The following SVOPL variants were observed in gnomAD, a reference collection of about 807,000 sequenced individuals.
SVOPL encodes putative transporter SVOPL.
In SVOPL, 60 loss-of-function variants were observed where a neutral mutation model predicts 61.0. The observed-to-expected ratio is 0.98, with a 90% CI of 0.80 to 1.22. SVOPL has a LOEUF of 1.22. Among genes scored for constraint, SVOPL ranks in the 50% most tolerant of loss-of-function variants. SVOPL has a pLI of 0.00. For synonymous variants in SVOPL, 279 were observed against 250.0 expected (o/e 1.12, Z -1.09); for missense variants, 662 against 643.9 (o/e 1.03, Z -0.30).
intron 1 of SVOPL, among the ~76,000 whole-genome samples, chr7:138,690,905 T>A (rs987190160): frequency 2.6e-5 from 4 of 152,152 alleles, no homozygotes; most frequent in Non-Finnish European, 5.9e-5. Flanking sequence ...CCCAAGTAGC[T>A]GGGACTACAG....
chr7:138,602,863 T>C (rs2116763906), intron 14 of SVOPL, among the ~76,000 whole-genome samples: 1 of 152,230 alleles, frequency 6.6e-6, no homozygotes, highest in Admixed American at 6.5e-5. Flanking sequence ...TTGGTGTGTG[T>C]TCGTGTCATC....
At chr7:138,644,304 A>C (rs1051994432) in intron 9 of SVOPL, among the ~76,000 whole-genome samples, 1 of 151,988 alleles carries the variant, frequency 6.6e-6, no homozygotes, top group Non-Finnish European at 1.5e-5. Context: ...TCTAGAGCCA[A>C]TTTCACCAAA....
intron 14 of SVOPL, among the ~76,000 whole-genome samples, chr7:138,610,082 A>G (rs1284492287): frequency 6.6e-6 from 1 of 152,244 alleles, no homozygotes; most frequent in African/African-American, 2.4e-5. Flanking sequence ...GAGATGTTCA[A>G]TAATACAGAA....
intron 9 of SVOPL, among the ~76,000 whole-genome samples, chr7:138,633,996 T>C (rs1378590098): frequency 2.0e-5 from 3 of 152,174 alleles, no homozygotes; most frequent in African/African-American, 7.2e-5. Context: ...TGGGTAGCAC[T>C]GCTGGTATGG....
intron 1 of SVOPL, among the ~76,000 whole-genome samples, chr7:138,695,278 G>A (rs1390449407): frequency 6.6e-6 from 1 of 152,104 alleles, no homozygotes; most frequent in Admixed American, 6.6e-5. Context: ...TTGGAAAGCC[G>A]AGGTGGGCGG....
At position 138,594,530 on chromosome 7, in the gene SVOPL, A is replaced by AC; in HGVS notation, c.*79dup. On this transcript the variant is annotated 3_prime_UTR_variant, in exon 16 of 16. Coordinates refer to ENST00000674285, the MANE Select transcript of SVOPL (RefSeq NM_001139456.2). ...TTACCGAGTAGCATACAGAAGTAAAACCAAGTTTTAAAAAAATGCACCGCA... is the reference window on the plus strand; with the variant it reads ...TTACCGAGTAGCATACAGAAGTAAAACCCAAGTTTTAAAAAAATGCACCGCA... 7.0e-7 allele frequency: 1 copy of AC among 1,428,620 alleles called. No individual in the cohort carries two copies. The highest frequency in any genetic ancestry group is 1.3e-5 in the South Asian group (1 of 78,142). 88.5% of individuals were successfully genotyped at this position (1,428,620 alleles called of 1,614,324 possible).
At chr7:138,676,805 C>T (rs1159288903) in intron 3 of SVOPL, among the ~76,000 whole-genome samples, 1 of 151,846 alleles carries the variant, frequency 6.6e-6, no homozygotes, top group Non-Finnish European at 1.5e-5. Context: ...ATTGAATTCC[C>T]AAAACATAGA....
chr7:138,638,212 T>C (rs575706840), intron 9 of SVOPL, among the ~76,000 whole-genome samples: 2 of 146,726 alleles, frequency 1.4e-5, no homozygotes, highest in South Asian at 4.2e-4. Context: ...AGGGGAGGTT[T>C]CAGTGTGCCG....
At chr7:138,617,912 C>T (rs1353995804) in intron 14 of SVOPL, among the ~76,000 whole-genome samples, 1 of 152,150 alleles carries the variant, frequency 6.6e-6, no homozygotes, top group African/African-American at 2.4e-5. Context: ...ATCCAAGGAT[C>T]TGTGATCAAG....
chr7:138,682,968 C>CAAAAAAAAAAAAAA (rs762982090), intron 1 of SVOPL, among the ~76,000 whole-genome samples: 3 of 95,414 alleles, frequency 3.1e-5, no homozygotes, highest in African/African-American at 7.4e-5. Flanking sequence ...AACTCCATCT[C>CAAAAAAAAAAAAAA]AAAAAAAAAA....
chr7:138,612,508 ATT>A (rs71178002), intron 14 of SVOPL, among the ~76,000 whole-genome samples: 4,189 of 70,062 alleles, frequency 0.06, 136 homozygotes, highest in African/African-American at 0.098. Flanking sequence ...GCCAGACTTA[ATT>A]TTTTTTTTTT....
In SVOPL at chr7:138,626,157, C is replaced by T. The variant is rs1799885005; in HGVS notation, c.1182-107G>A. 3.6e-6 allele frequency: 4 copies of T among 1,100,426 alleles called. No homozygotes were observed. In the East Asian group the frequency reaches 1.0e-4, roughly 28 times the overall value. 68.2% of individuals were successfully genotyped at this position (1,100,426 alleles called of 1,614,324 possible). ...GATGCTGAGATACAATCACAGATAA[C>T]TCAGAACCCGAGGGAGGTGCTGCTT... On this transcript the variant is annotated intron_variant, in intron 12 of 15. Coordinates refer to ENST00000674285, the MANE Select transcript of SVOPL (RefSeq NM_001139456.2).
intron 1 of SVOPL, among the ~76,000 whole-genome samples, chr7:138,681,288 T>A (rs1199648281): frequency 6.8e-6 from 1 of 147,930 alleles, no homozygotes; most frequent in African/African-American, 2.5e-5. Context: ...TGACAAATTT[T>A]GAACTGGAAA....
At chr7:138,667,690 C>T (rs936104187) in intron 4 of SVOPL, among the ~76,000 whole-genome samples, 6 of 152,148 alleles carry the variant, frequency 3.9e-5, no homozygotes, top group South Asian at 2.1e-4. Context: ...CTGAGTCACC[C>T]GGAAACCTCT....
At chr7:138,611,874 C>A (rs1470350484) in intron 14 of SVOPL, among the ~76,000 whole-genome samples, 43 of 70,214 alleles carry the variant, frequency 6.1e-4, no homozygotes, top group African/African-American at 8.3e-4. Context: ...TCTGCCCGGC[C>A]GCCACCCCGT....
chr7:138,594,637 TTAATAGATCAG>T lies in SVOPL; in HGVS notation c.1468-27_1468-17del. On this transcript the variant is annotated splice_polypyrimidine_tract_variant and intron_variant, in intron 15 of 15. Transcript: ENST00000674285. ...ATTTAATTTGCTGGAAGAAAGTTAT[TTAATAGATCAG>T]TAATAGACTTTTTAAAAGTCTTGTC... is the stretch of plus-strand genomic sequence containing the variant. 3.1e-6 allele frequency: 5 copies of T among 1,591,278 alleles called. No homozygotes were observed. The highest frequency in any genetic ancestry group is 4.3e-6 in the Non-Finnish European group (5 of 1,167,288).
chr7:138,697,885 A>T (rs548622888), intron 1 of SVOPL, among the ~76,000 whole-genome samples: 1 of 152,238 alleles, frequency 6.6e-6, no homozygotes, highest in Non-Finnish European at 1.5e-5. Context: ...TTGTAGGAAC[A>T]AACAATTCAC....
intron 5 of SVOPL, chr7:138,661,006 T>A: frequency 3.1e-6 from 3 of 983,022 alleles, no homozygotes; most frequent in South Asian, 9.4e-5. Context: ...CAAAGTTTCT[T>A]GATAATTTGT....
At chr7:138,680,610 G>C (rs1358407901) in intron 1 of SVOPL, among the ~76,000 whole-genome samples, 1 of 151,344 alleles carries the variant, frequency 6.6e-6, no homozygotes, top group African/African-American at 2.4e-5. Context: ...ACGGAGTCTT[G>C]CTCTGTCGCC....
Sources: gnomAD v4.1 joint callset for allele counts (sites outside exome capture counted in the v4.1 genomes callset) on GRCh38, gnomAD v4.1.1 for gene constraint, MANE v1.5 for transcripts, NCBI Gene and HGNC (gene_info 2026-07-23, HGNC 2026-07-21) for gene names.